FBLN5: variants seen among roughly 807,000 people sequenced by gnomAD.
The protein encoded by FBLN5 is fibulin-5.
Under a neutral mutation model 61.6 loss-of-function variants are expected in FBLN5, and 24 were observed. That is an observed-to-expected ratio of 0.39 (90% CI 0.28 to 0.55). The LOEUF is 0.55. Ranked by LOEUF, FBLN5 falls within the 20% of genes least tolerant of loss-of-function variation. FBLN5 has a pLI of 0.65. For synonymous variants in FBLN5, 213 were observed against 219.8 expected (o/e 0.97, Z 0.27); for missense variants, 470 against 594.1 (o/e 0.79, Z 2.17).
chr14:91,898,863 G>A (rs759424478), intron 4 of FBLN5, among the ~76,000 whole-genome samples: 11 of 140,308 alleles, frequency 7.8e-5, no homozygotes, highest in South Asian at 7.1e-4. Context: ...CTGCAGTGGC[G>A]CAATCTAAGC....
At chr14:91,925,839 A>G (rs2055818640) in intron 4 of FBLN5, among the ~76,000 whole-genome samples, 2 of 152,200 alleles carry the variant, frequency 1.3e-5, no homozygotes, top group Admixed American at 1.3e-4. Context: ...GGACAGCCAC[A>G]GCGACCATGG....
chr14:91,947,516 G>C lies in FBLN5; in HGVS notation c.-287C>G. 1.7e-6 allele frequency: 1 copy of C among 573,048 alleles called. No homozygotes were observed. The allele number at this position is 573,048 out of a possible 1,614,324, so 35.5% of individuals were successfully genotyped here. A position where few individuals can be genotyped will look rare whatever the true frequency, so the allele number is the denominator to read the frequency against. Reference sequence around the variant, plus strand: ...TAAAAATGAACACTTCATTTTCTAAGTATGTTAAACAATGCAAATGGGGCC... The same window carrying C: ...TAAAAATGAACACTTCATTTTCTAACTATGTTAAACAATGCAAATGGGGCC... On this transcript the variant is annotated 5_prime_UTR_variant, in exon 1 of 11. Coordinates refer to ENST00000342058, the MANE Select transcript of FBLN5 (RefSeq NM_006329.4). The surrounding 1 kb of genome is among the most constrained non-coding windows in gnomAD (Gnocchi z 4.3).
At chr14:91,929,606 T>C (rs2055890329) in intron 4 of FBLN5, among the ~76,000 whole-genome samples, 1 of 152,264 alleles carries the variant, frequency 6.6e-6, no homozygotes, top group African/African-American at 2.4e-5. Flanking sequence ...TACCTCAATC[T>C]AGGCCTTAAA....
At chr14:91,926,070 A>G (rs1441920290) in intron 4 of FBLN5, among the ~76,000 whole-genome samples, 1 of 152,114 alleles carries the variant, frequency 6.6e-6, no homozygotes, top group African/African-American at 2.4e-5. Context: ...ACTCCACGAG[A>G]GCCTCACTCT....
At chr14:91,902,342 A>G (rs940723395) in intron 4 of FBLN5, among the ~76,000 whole-genome samples, 2 of 151,306 alleles carry the variant, frequency 1.3e-5, no homozygotes, top group Non-Finnish European at 2.9e-5. Context: ...AATGTAAAGC[A>G]AACAGACGTG....
intron 10 of FBLN5, 74 bp from the exon 11 acceptor site, chr14:91,870,459 C>G (rs1888868136): frequency 6.7e-7 from 1 of 1,487,966 alleles, no homozygotes; most frequent in Admixed American, 1.7e-5. Context: ...TGGGCGCTCC[C>G]TTGCCTCCGT....
At chr14:91,902,264 T>A (rs2139994545) in intron 4 of FBLN5, among the ~76,000 whole-genome samples, 1 of 114,322 alleles carries the variant, frequency 8.7e-6, no homozygotes, top group East Asian at 2.4e-4. Flanking sequence ...GACATGGGTT[T>A]TTTTGTTTGT....
chr14:91,900,992 C>T (rs1225715964), intron 4 of FBLN5, among the ~76,000 whole-genome samples: 1 of 152,180 alleles, frequency 6.6e-6, no homozygotes, highest in Non-Finnish European at 1.5e-5. Context: ...CCCCTTGAGC[C>T]CCAGGCATAT....
At chr14:91,886,648 C>T (rs911248016) in intron 7 of FBLN5, among the ~76,000 whole-genome samples, 2 of 151,936 alleles carry the variant, frequency 1.3e-5, no homozygotes, top group African/African-American at 2.4e-5. Flanking sequence ...TCCATTGATT[C>T]GAGAACTATT....
intron 4 of FBLN5, among the ~76,000 whole-genome samples, chr14:91,925,780 A>G (rs1465361538): frequency 1.3e-5 from 2 of 152,200 alleles, no homozygotes; most frequent in Non-Finnish European, 2.9e-5. Flanking sequence ...ATTAGATTGC[A>G]TCTAACACTC....
At chr14:91,909,078 C>T (rs897823006) in intron 4 of FBLN5, among the ~76,000 whole-genome samples, 12 of 152,154 alleles carry the variant, frequency 7.9e-5, no homozygotes, top group Middle Eastern at 3.4e-3. Context: ...CCACCACGCC[C>T]GGCTAATTTT....
At chr14:91,918,511 T>C (rs1296125143) in intron 4 of FBLN5, among the ~76,000 whole-genome samples, 1 of 152,202 alleles carries the variant, frequency 6.6e-6, no homozygotes, top group Non-Finnish European at 1.5e-5. Context: ...GGAATTCGAT[T>C]TGAACTCTGG....
intron 4 of FBLN5, 55 bp from the exon 5 acceptor site, chr14:91,895,127 A>G: frequency 6.2e-7 from 1 of 1,607,488 alleles, no homozygotes; most frequent in Non-Finnish European, 8.5e-7. Flanking sequence ...AGAGCCCTGG[A>G]GCCACCAGGG....
chr14:91,893,951 G>A (rs142871892), intron 5 of FBLN5, among the ~76,000 whole-genome samples: 175 of 152,328 alleles, frequency 1.1e-3, no homozygotes, highest in Non-Finnish European at 1.9e-3. Flanking sequence ...GTGACTAAGC[G>A]AAAGTGTTCC....
intron 10 of FBLN5, 55 bp downstream of exon 10, chr14:91,877,432 A>G (rs1889219730): frequency 1.4e-6 from 2 of 1,399,130 alleles, no homozygotes; most frequent in Admixed American, 1.7e-5. Flanking sequence ...TTCCTAGGAG[A>G]GACAGCACAA....
chr14:91,903,514 G>T (rs761350279), intron 4 of FBLN5, among the ~76,000 whole-genome samples: 1 of 152,100 alleles, frequency 6.6e-6, no homozygotes, highest in African/African-American at 2.4e-5. Context: ...GTTTCTACAT[G>T]CTGTGGATCC....
intron 4 of FBLN5, among the ~76,000 whole-genome samples, chr14:91,915,177 A>G (rs975004294): frequency 2.0e-5 from 3 of 148,432 alleles, no homozygotes; most frequent in African/African-American, 7.4e-5. Flanking sequence ...AAAAAATAAT[A>G]AAAAAAAAAG....
intron 1 of FBLN5, among the ~76,000 whole-genome samples, chr14:91,944,845 G>A (rs544103353): frequency 6.6e-6 from 1 of 152,312 alleles, no homozygotes; most frequent in South Asian, 2.1e-4. Flanking sequence ...ATTCAGTCAT[G>A]CAAGGTGAAA....
chr14:91,905,648 C>T (rs1032747571), intron 4 of FBLN5, among the ~76,000 whole-genome samples: 5 of 147,744 alleles, frequency 3.4e-5, no homozygotes, highest in East Asian at 2.0e-4. Context: ...GGTGTGATCT[C>T]GGCTCACTGC....
Sources: allele counts gnomAD v4.1 joint callset (sites outside exome capture counted in the v4.1 genomes callset), GRCh38; gene constraint gnomAD v4.1.1; non-coding constraint Gnocchi (gnomAD v3.1); transcripts MANE v1.5; gene names NCBI Gene and HGNC (gene_info 2026-07-23, HGNC 2026-07-21).